The following COL23A1 variants were observed in gnomAD, a reference collection of about 807,000 sequenced individuals.
COL23A1 encodes the protein collagen type XXIII alpha 1 chain.
In COL23A1, 97 loss-of-function variants were observed where a neutral mutation model predicts 99.3. The observed-to-expected ratio is 0.98, with a 90% CI of 0.83 to 1.16. The LOEUF (loss-of-function observed/expected upper bound fraction) is 1.16. Ranked by LOEUF, COL23A1 falls within the 50% of genes most tolerant of loss-of-function variation. The probability of loss-of-function intolerance (pLI) is 0.00; values close to 1 mark genes in which losing one functional copy is unlikely to be tolerated. For synonymous variants in COL23A1, 320 were observed against 308.2 expected (o/e 1.04, Z -0.40); for missense variants, 762 against 757.4 (o/e 1.01, Z -0.07).
chr5:178,547,541 A>C (rs1325951782), intron 2 of COL23A1, among the ~76,000 whole-genome samples: 1 of 78,322 alleles, frequency 1.3e-5, no homozygotes, highest in African/African-American at 5.4e-5. Flanking sequence ...CCACAAACAC[A>C]CCCACACACC....
chr5:178,585,465 T>TGGGGGTAACACTCCACACCCTGGTTGAC (rs1763902362), intron 1 of COL23A1, among the ~76,000 whole-genome samples: 1 of 87,500 alleles, frequency 1.1e-5, no homozygotes, highest in African/African-American at 4.3e-5. Flanking sequence ...CCCTGGTTGA[T>TGGGGGTAACACTCCACACCCTGGTTGAC]GCTGGGGGTA....
intron 2 of COL23A1, among the ~76,000 whole-genome samples, chr5:178,358,225 TG>T (rs1486919631): frequency 2.1e-4 from 20 of 95,910 alleles, no homozygotes; most frequent in Admixed American, 1.6e-3. Context: ...GTGTGTCTAA[TG>T]TGTGTATGTG....
At chr5:178,473,327 C>G (rs1163255853) in intron 2 of COL23A1, among the ~76,000 whole-genome samples, 2 of 151,948 alleles carry the variant, frequency 1.3e-5, no homozygotes, top group Non-Finnish European at 2.9e-5. Flanking sequence ...GACGGTCTCA[C>G]TCTGTCACCC....
At chr5:178,455,070 A>G (rs1767695462) in intron 2 of COL23A1, among the ~76,000 whole-genome samples, 1 of 152,192 alleles carries the variant, frequency 6.6e-6, no homozygotes, top group African/African-American at 2.4e-5. Context: ...CAGTCTTGTC[A>G]GGTTGGATTA....
chr5:178,521,329 G>A lies in COL23A1; in HGVS notation c.361+39353C>T, dbSNP rs548880401. On this transcript the variant is annotated intron_variant, in intron 2 of 28. Coordinates refer to ENST00000390654, the MANE Select transcript of COL23A1 (RefSeq NM_173465.4). ...AGCACTTTGGGAGGCCAAGGCAGGTGGATCACGAGGTCAGGAGATGGAGAC... is the reference window on the plus strand; with the variant it reads ...AGCACTTTGGGAGGCCAAGGCAGGTAGATCACGAGGTCAGGAGATGGAGAC... Among the ~76,000 whole-genome samples the A allele has an allele frequency of 2.8e-4, 43 of 152,282 alleles. No homozygotes were observed. In the South Asian group the frequency reaches 8.7e-3, roughly 31 times the overall value.
intron 5 of COL23A1, among the ~76,000 whole-genome samples, chr5:178,271,348 C>A (rs190614276): frequency 6.6e-6 from 1 of 152,324 alleles, no homozygotes. Flanking sequence ...CAGCTCCACA[C>A]TTCTGAACCT....
chr5:178,552,881 T>G (rs533459809), intron 2 of COL23A1, among the ~76,000 whole-genome samples: 1 of 151,988 alleles, frequency 6.6e-6, no homozygotes, highest in South Asian at 2.1e-4. Flanking sequence ...ACCTGGCTAA[T>G]TTTTGTATTT....
At chr5:178,327,984 G>C (rs892866239) in intron 2 of COL23A1, among the ~76,000 whole-genome samples, 2 of 152,204 alleles carry the variant, frequency 1.3e-5, no homozygotes, top group Non-Finnish European at 2.9e-5. Flanking sequence ...CTGACAACGA[G>C]GACCTTGCCT....
chr5:178,346,799 C>T (rs1760996849), intron 2 of COL23A1, among the ~76,000 whole-genome samples: 1 of 152,202 alleles, frequency 6.6e-6, no homozygotes, highest in African/African-American at 2.4e-5. Flanking sequence ...CATGATTAAT[C>T]AGAGTCATAT....
chr5:178,587,277 C>G (rs1764052895), intron 1 of COL23A1, among the ~76,000 whole-genome samples: 1 of 152,060 alleles, frequency 6.6e-6, no homozygotes, highest in African/African-American at 2.4e-5. Flanking sequence ...TTATCTCTTC[C>G]TTTGTGTGCC....
intron 2 of COL23A1, among the ~76,000 whole-genome samples, chr5:178,419,950 G>A (rs554078815): frequency 1.3e-3 from 205 of 152,242 alleles, no homozygotes; most frequent in African/African-American, 4.7e-3. Context: ...CTATAAATTC[G>A]TTCTGACCAC....
chr5:178,588,215 G>C (rs762812318), intron 1 of COL23A1, among the ~76,000 whole-genome samples: 3 of 152,290 alleles, frequency 2.0e-5, no homozygotes, highest in Admixed American at 6.5e-5. Context: ...GCAGCCGGGA[G>C]GGGGGAAGCC....
Position 178,434,698 on chromosome 5 carries a change from C to T in COL23A1, c.361+125984G>A, listed in dbSNP as rs1220030202. Among the ~76,000 whole-genome samples, 2 of 152,176 alleles carry T rather than the reference C, an allele frequency of 1.3e-5. No individual in the cohort carries two copies. Among genetic ancestry groups the T allele is most frequent in the African/African-American group, 4.8e-5 (2 of 41,448 alleles). ...GGAAGAATCTGACCCTACCTGTGCC[C>T]CTCTAGAGGCCGGTGCCTCCCCAAC... is the stretch of plus-strand genomic sequence containing the variant. On this transcript the variant is annotated intron_variant, in intron 2 of 28. Transcript: ENST00000390654. The surrounding 1 kb of genome is among the most constrained non-coding windows in gnomAD (Gnocchi z 4.3).
chr5:178,266,823 C>T (rs1445514870), intron 8 of COL23A1, among the ~76,000 whole-genome samples: 2 of 152,260 alleles, frequency 1.3e-5, no homozygotes, highest in Non-Finnish European at 2.9e-5. Context: ...CTGCGGCTCC[C>T]ACTACCTTTT....
In COL23A1 at chr5:178,468,435, C is replaced by T. The variant is rs998234658; in HGVS notation, c.361+92247G>A. Among the ~76,000 whole-genome samples the T allele has an allele frequency of 1.3e-5, 2 of 152,186 alleles. No individual in the cohort carries two copies. Among genetic ancestry groups the T allele is most frequent in the Non-Finnish European group, 2.9e-5 (2 of 68,038 alleles). Reference sequence around the variant, plus strand: ...ATGATGGTGAATGCAAGAATATCAACAACCACGGCTCCGTCTCCTGTGGGC... The same window carrying T: ...ATGATGGTGAATGCAAGAATATCAATAACCACGGCTCCGTCTCCTGTGGGC... On this transcript the variant is annotated intron_variant, in intron 2 of 28. Transcript: ENST00000390654. The surrounding 1 kb of genome is among the most constrained non-coding windows in gnomAD (Gnocchi z 4.2).
At chr5:178,401,094 C>T (rs1581313089) in intron 2 of COL23A1, among the ~76,000 whole-genome samples, 1 of 152,364 alleles carries the variant, frequency 6.6e-6, no homozygotes, top group Middle Eastern at 3.4e-3. Context: ...TGAAATCAAT[C>T]AATATCATCC....
chr5:178,416,849 G>T (rs983156161), intron 2 of COL23A1, among the ~76,000 whole-genome samples: 34 of 146,376 alleles, frequency 2.3e-4, no homozygotes, highest in African/African-American at 8.6e-4. Flanking sequence ...GAGCATAGCA[G>T]GGAGGAGCTG....
At chr5:178,372,992 A>C (rs944228347) in intron 2 of COL23A1, among the ~76,000 whole-genome samples, 1 of 145,940 alleles carries the variant, frequency 6.9e-6, no homozygotes, top group African/African-American at 2.6e-5. Flanking sequence ...TGCAGTGTGC[A>C]ATCCCGGCTC....
intron 2 of COL23A1, among the ~76,000 whole-genome samples, chr5:178,494,669 CAA>C (rs994104746): frequency 5.3e-5 from 8 of 152,288 alleles, no homozygotes; most frequent in Middle Eastern, 3.4e-3. Flanking sequence ...CCATCTCAAA[CAA>C]AAGAGTGCTG....
Sources: gnomAD v4.1 joint callset for allele counts (sites outside exome capture counted in the v4.1 genomes callset) on GRCh38, gnomAD v4.1.1 for gene constraint, Gnocchi (gnomAD v3.1) non-coding constraint, MANE v1.5 for transcripts, NCBI Gene and HGNC (gene_info 2026-07-23, HGNC 2026-07-21) for gene names.